DACH2: variants seen among roughly 807,000 people sequenced by gnomAD.
DACH2 encodes the protein dachshund family transcription factor 2, also known as dachshund homolog 2.
Under a neutral mutation model 35.8 loss-of-function variants are expected in DACH2, and 17 were observed. That is an observed-to-expected ratio of 0.48 (90% confidence interval 0.33 to 0.71). The LOEUF (loss-of-function observed/expected upper bound fraction) is 0.71, where lower values mean the gene tolerates loss of function less well. Ranked by LOEUF, DACH2 falls within the 30% of genes least tolerant of loss-of-function variation. The pLI is 0.02. For synonymous variants in DACH2, 195 were observed against 177.3 expected, an observed-to-expected ratio of 1.10 and a Z score of -0.79; for missense variants, 469 against 472.7, an observed-to-expected ratio of 0.99 and a Z score of 0.07.
intron 1 of DACH2, among the ~76,000 whole-genome samples, chrX:86,326,510 CACATATAT>C (rs1223173586): frequency 7.7e-5 from 7 of 90,964 alleles, no homozygotes; most frequent in African/African-American, 2.6e-4. Context: ...CACACACACA[CACATATAT>C]ATATATATAT....
intron 2 of DACH2, among the ~76,000 whole-genome samples, chrX:86,397,670 T>A (rs1388894806): frequency 6.2e-5 from 7 of 112,046 alleles, no homozygotes; most frequent in Admixed American, 1.9e-4. Flanking sequence ...TGTCTTTGGT[T>A]CTGTTTATAT....
At chrX:86,536,888 T>C (rs760457707) in intron 3 of DACH2, among the ~76,000 whole-genome samples, 57 of 111,540 alleles carry the variant, frequency 5.1e-4, no homozygotes, top group African/African-American at 1.7e-3. Context: ...TTTAGACTTG[T>C]CTCAGATACC....
intron 1 of DACH2, among the ~76,000 whole-genome samples, chrX:86,202,686 G>C (rs2032187575): frequency 9.0e-6 from 1 of 110,967 alleles, no homozygotes; most frequent in Admixed American, 9.6e-5. Context: ...ACCAGAGGCT[G>C]GGGGATTATC....
intron 3 of DACH2, among the ~76,000 whole-genome samples, chrX:86,581,914 A>G (rs1191867444): frequency 1.8e-5 from 2 of 111,654 alleles, no homozygotes; most frequent in Non-Finnish European, 3.8e-5. Flanking sequence ...CAGAATATAC[A>G]TTCTTTTCAT....
intron 2 of DACH2, among the ~76,000 whole-genome samples, chrX:86,502,147 T>G (rs1297462532): frequency 9.0e-6 from 1 of 111,042 alleles, no homozygotes; most frequent in African/African-American, 3.3e-5. Flanking sequence ...AACAGTAAAC[T>G]TAAGAGTCTG....
At chrX:86,654,200 A>G (rs1047776220) in intron 4 of DACH2, among the ~76,000 whole-genome samples, 1 of 106,602 alleles carries the variant, frequency 9.4e-6, no homozygotes, top group African/African-American at 3.4e-5. Flanking sequence ...AAAAAAAAAA[A>G]AAAAAAAAAA....
At chrX:86,484,149 C>T (rs2037985312) in intron 2 of DACH2, among the ~76,000 whole-genome samples, 1 of 111,576 alleles carries the variant, frequency 9.0e-6, no homozygotes. Context: ...TCTACTGTAA[C>T]TTTAAAACAT....
At chrX:86,669,237 A>G (rs767075882) in intron 4 of DACH2, among the ~76,000 whole-genome samples, 7 of 110,449 alleles carry the variant, frequency 6.3e-5, no homozygotes, top group Non-Finnish European at 1.1e-4. Context: ...AAACACATGT[A>G]TTATTGCCCA....
intron 3 of DACH2, among the ~76,000 whole-genome samples, chrX:86,624,400 A>C (rs1172892583): frequency 4.5e-5 from 5 of 112,159 alleles, no homozygotes; most frequent in Non-Finnish European, 9.4e-5. Context: ...CTATACTAAG[A>C]TTCTGTGTTT....
chrX:86,168,570 T>C (rs2031020091), intron 1 of DACH2, among the ~76,000 whole-genome samples: 1 of 110,277 alleles, frequency 9.1e-6, no homozygotes, highest in Admixed American at 9.7e-5. Flanking sequence ...CATTTTGTTA[T>C]TTGTTTTCTT....
rs201983279 is a variant in DACH2 at position 86,353,940 on chromosome X, A to T, written c.489-22884A>T. Among the ~76,000 whole-genome samples the T allele has an allele frequency of 0.037, 1,296 of 34,636 alleles. 324 individuals carry two copies. The East Asian group carries it at 0.65, about 17-fold the overall frequency. The allele number at this position is 34,636 out of a possible 115,157, so 30.1% of individuals were successfully genotyped here. ...TTTGGCCTGCCTTGCTAGATTGGGG[A>T]AGTTCTCCTGGATAATATCCTGCAG... is the stretch of plus-strand genomic sequence containing the variant. On this transcript the variant is annotated intron_variant, in intron 1 of 11. Transcript: ENST00000373125.
chrX:86,334,099 G>A (rs1170795101), intron 1 of DACH2, among the ~76,000 whole-genome samples: 1 of 111,848 alleles, frequency 8.9e-6, no homozygotes, highest in Admixed American at 9.5e-5. Flanking sequence ...TCCTTTTTAT[G>A]GCTACATAGT....
chrX:86,274,451 C>CTTTTTTTTT (rs1160584218), intron 1 of DACH2, among the ~76,000 whole-genome samples: 1 of 31,320 alleles, frequency 3.2e-5, no homozygotes, highest in Admixed American at 5.4e-4. Flanking sequence ...ACATTAAATC[C>CTTTTTTTTT]TTTTTTTTTT....
At chrX:86,170,985 A>G (rs1419339172) in intron 1 of DACH2, among the ~76,000 whole-genome samples, 1 of 111,890 alleles carries the variant, frequency 8.9e-6, no homozygotes, top group East Asian at 2.8e-4. Flanking sequence ...CATTCTTTTG[A>G]ATTTCTGATC....
chrX:86,444,050 G>A (rs1203827697), intron 2 of DACH2, among the ~76,000 whole-genome samples: 1 of 110,949 alleles, frequency 9.0e-6, no homozygotes, highest in Non-Finnish European at 1.9e-5. Context: ...TACGTTTTTG[G>A]AATAATTTGA....
chrX:86,421,057 A>C (rs775201923), intron 2 of DACH2, among the ~76,000 whole-genome samples: 1 of 111,736 alleles, frequency 8.9e-6, no homozygotes, highest in South Asian at 3.7e-4. Flanking sequence ...TTTCTCTTCA[A>C]GACTTTTCTC....
chrX:86,596,177 C>T (rs1420644848), intron 3 of DACH2, among the ~76,000 whole-genome samples: 2 of 111,741 alleles, frequency 1.8e-5, no homozygotes, highest in African/African-American at 6.5e-5. Context: ...TGGACATTTG[C>T]TGCTATAAAC....
intron 3 of DACH2, among the ~76,000 whole-genome samples, chrX:86,522,473 T>C (rs772576364): frequency 2.7e-5 from 3 of 111,862 alleles, no homozygotes; most frequent in South Asian, 7.4e-4. Flanking sequence ...ACATATATAC[T>C]ATTGAAATAG....
At chrX:86,306,247 T>C (rs899899537) in intron 1 of DACH2, among the ~76,000 whole-genome samples, 3 of 112,121 alleles carry the variant, frequency 2.7e-5, no homozygotes, top group South Asian at 3.7e-4. Context: ...TTATAAACAA[T>C]GGAATGTTAC....
Sources: gnomAD v4.1 joint callset for allele counts (sites outside exome capture counted in the v4.1 genomes callset) on GRCh38, gnomAD v4.1.1 for gene constraint, MANE v1.5 for transcripts, NCBI Gene and HGNC (gene_info 2026-07-23, HGNC 2026-07-21) for gene names.